The following POLDIP3 variants were observed in gnomAD, a reference collection of about 807,000 sequenced individuals.
POLDIP3 encodes polymerase delta-interacting protein 3.
In POLDIP3, 14 loss-of-function variants were observed where a neutral mutation model predicts 45.1. The observed-to-expected ratio is 0.31, with a 90% confidence interval of 0.20 to 0.49. The LOEUF (loss-of-function observed/expected upper bound fraction) is 0.49. POLDIP3 is among the 20% of genes least tolerant of loss of function. The probability of loss-of-function intolerance (pLI) is 0.99; values close to 1 mark genes in which losing one functional copy is unlikely to be tolerated. For synonymous variants in POLDIP3, 223 were observed against 205.2 expected (o/e 1.09, Z -0.74); for missense variants, 511 against 538.8 (o/e 0.95, Z 0.51).
At chr22:42,613,467 C>T (rs907656147) in intron 1 of POLDIP3, among the ~76,000 whole-genome samples, 2 of 152,166 alleles carry the variant, frequency 1.3e-5, no homozygotes, top group Admixed American at 6.5e-5. Flanking sequence ...TATTAATAAA[C>T]ATCTGCGGAA....
chr22:42,595,015 T>C (rs1209201390), intron 6 of POLDIP3, among the ~76,000 whole-genome samples: 1 of 152,330 alleles, frequency 6.6e-6, no homozygotes, highest in East Asian at 1.9e-4. Flanking sequence ...GGCTGACTGC[T>C]ATTGTTTGAA....
At chr22:42,594,730 G>C (rs981031044) in intron 6 of POLDIP3, among the ~76,000 whole-genome samples, 3 of 152,276 alleles carry the variant, frequency 2.0e-5, no homozygotes, top group African/African-American at 7.2e-5. Flanking sequence ...CCAGAACCCC[G>C]CTCACAGACA....
chr22:42,610,440 G>A (rs1392594532), intron 1 of POLDIP3, among the ~76,000 whole-genome samples: 1 of 152,172 alleles, frequency 6.6e-6, no homozygotes, highest in Non-Finnish European at 1.5e-5. Flanking sequence ...CTCCCCAGAT[G>A]AGGCGTCTGG....
At chr22:42,602,621 C>T (rs925845814) in intron 2 of POLDIP3, 149 bp downstream of exon 2, 6 of 841,510 alleles carry the variant, frequency 7.1e-6, no homozygotes, top group East Asian at 5.0e-5. Context: ...TTGGCTATAA[C>T]GTACTTAAAG....
At chr22:42,589,387 A>C (rs1039055140) in intron 7 of POLDIP3, among the ~76,000 whole-genome samples, 2 of 152,258 alleles carry the variant, frequency 1.3e-5, no homozygotes, top group African/African-American at 4.8e-5. Flanking sequence ...CTAGAGGTAA[A>C]GAGAGATTTA....
At chr22:42,607,361 C>T (rs1926801477) in intron 1 of POLDIP3, among the ~76,000 whole-genome samples, 1 of 152,278 alleles carries the variant, frequency 6.6e-6, no homozygotes, top group South Asian at 2.1e-4. Flanking sequence ...GATCTGCCTG[C>T]CTCGGCCTCC....
rs917288339 is a variant in POLDIP3 at position 42,584,953 on chromosome 22, G to C, written c.*838C>G. The C allele has an allele frequency of 2.2e-6, 1 of 456,208 alleles. No homozygotes were observed. Among genetic ancestry groups the C allele is most frequent in the Non-Finnish European group, 4.4e-6 (1 of 226,978 alleles). The allele number at this position is 456,208 out of a possible 1,614,324, so 28.3% of individuals were successfully genotyped here. Reference sequence around the variant, plus strand: ...GCCTTTCAAAGGCCCAACCAGAAGAGAGCTGGCGGCTACACAAAACCAGGG... The same window carrying C: ...GCCTTTCAAAGGCCCAACCAGAAGACAGCTGGCGGCTACACAAAACCAGGG... On this transcript the variant is annotated 3_prime_UTR_variant, in exon 9 of 9. Transcript: ENST00000252115.
intron 1 of POLDIP3, among the ~76,000 whole-genome samples, 188 bp downstream of exon 1, chr22:42,614,611 C>T (rs1459161187): frequency 6.6e-6 from 1 of 152,094 alleles, no homozygotes; most frequent in East Asian, 1.9e-4. Flanking sequence ...AGAGGGACTG[C>T]GCCTCGGCCA....
intron 7 of POLDIP3, among the ~76,000 whole-genome samples, chr22:42,588,038 G>C (rs187094604): frequency 1.3e-5 from 2 of 152,202 alleles, no homozygotes; most frequent in East Asian, 1.9e-4. Context: ...AGAGGAAGAA[G>C]GAACAGGGCC....
chr22:42,598,664 G>C (rs942646541), intron 4 of POLDIP3, among the ~76,000 whole-genome samples: 1 of 152,154 alleles, frequency 6.6e-6, no homozygotes, highest in Non-Finnish European at 1.5e-5. Flanking sequence ...GATTACAGGC[G>C]TGAGCCACCG....
chr22:42,607,672 G>A (rs939517825), intron 1 of POLDIP3, among the ~76,000 whole-genome samples: 2 of 146,944 alleles, frequency 1.4e-5, no homozygotes, highest in Non-Finnish European at 3.0e-5. Context: ...GGAGCGTCTC[G>A]GCCCGGCCGT....
At position 42,585,400 on chromosome 22, in the gene POLDIP3, G is replaced by A. The variant is rs1025478067; in HGVS notation, c.*391C>T. On this transcript the variant is annotated 3_prime_UTR_variant, in exon 9 of 9. Coordinates refer to ENST00000252115, the MANE Select transcript of POLDIP3 (RefSeq NM_032311.5). ...ACACACAAAGGAAAGGCAGCCCCTC[G>A]GCCCCTGGAAAAAGCAGGGTCCTTC... is the stretch of plus-strand genomic sequence containing the variant. The A allele has an allele frequency of 9.2e-5, 34 of 369,900 alleles. No individual in the cohort carries two copies. The highest frequency in any genetic ancestry group is 2.1e-4 in the African/African-American group (10 of 47,104). 22.9% of individuals were successfully genotyped at this position (369,900 alleles called of 1,614,324 possible).
intron 3 of POLDIP3, 80 bp from the exon 4 acceptor site, chr22:42,599,873 A>T: frequency 1.9e-6 from 2 of 1,039,458 alleles, no homozygotes; most frequent in Non-Finnish European, 2.9e-6. Flanking sequence ...CATGGCAAGG[A>T]AATGGCTGCT....
chr22:42,592,535 G>A (rs1223763401), intron 6 of POLDIP3, among the ~76,000 whole-genome samples: 2 of 152,226 alleles, frequency 1.3e-5, no homozygotes, highest in African/African-American at 2.4e-5. Flanking sequence ...CCCTGGACAT[G>A]AGACTTTGAG....
chr22:42,614,319 G>A (rs1601915216), intron 1 of POLDIP3, among the ~76,000 whole-genome samples: 2 of 152,380 alleles, frequency 1.3e-5, no homozygotes, highest in South Asian at 2.1e-4. Flanking sequence ...AGTGTTAACA[G>A]GGGCCGCGTG....
chr22:42,583,724 G>T lies in POLDIP3; in HGVS notation c.*2067C>A, dbSNP rs1315402094. On this transcript the variant is annotated 3_prime_UTR_variant, in exon 9 of 9. Transcript: ENST00000252115. ...AAAAAAAAAGATAACTCAAAGGTAG[G>T]AATAACAAATGTTTATTCAGAAATG... 6.7e-6 allele frequency: 1 copy of T among 149,350 alleles called. No homozygotes were observed. Among genetic ancestry groups the T allele is most frequent in the Non-Finnish European group, 1.5e-5 (1 of 67,592 alleles). 9.3% of individuals were successfully genotyped at this position (149,350 alleles called of 1,614,324 possible).
chr22:42,587,408 G>A, intron 8 of POLDIP3, 98 bp downstream of exon 8: 2 of 1,224,026 alleles, frequency 1.6e-6, no homozygotes, highest in Non-Finnish European at 1.2e-6. Context: ...AACGGAATGG[G>A]GGGATGAAGG....
At chr22:42,588,413 T>G (rs956760009) in intron 7 of POLDIP3, among the ~76,000 whole-genome samples, 1 of 142,792 alleles carries the variant, frequency 7.0e-6, no homozygotes, top group African/African-American at 2.6e-5. Context: ...AGAGACCACA[T>G]GCCACTGCAC....
At chr22:42,596,641 G>T (rs971428820) in intron 4 of POLDIP3, among the ~76,000 whole-genome samples, 25 of 152,158 alleles carry the variant, frequency 1.6e-4, no homozygotes, top group Non-Finnish European at 4.4e-5. Flanking sequence ...ATACAGCCCT[G>T]ACCTGGAAAA....
Sources: gnomAD v4.1 joint callset for allele counts (sites outside exome capture counted in the v4.1 genomes callset) on GRCh38, gnomAD v4.1.1 for gene constraint, MANE v1.5 for transcripts, NCBI Gene and HGNC (gene_info 2026-07-23, HGNC 2026-07-21) for gene names.